AGMO: variants seen among roughly 807,000 people sequenced by gnomAD.
The protein encoded by AGMO is glyceryl-ether monooxygenase.
In AGMO, 75 loss-of-function variants were observed where a neutral mutation model predicts 60.2. The ratio of observed to expected loss-of-function variants is 1.25; its 90% CI spans 1.03 to 1.51. AGMO has a LOEUF of 1.51. AGMO is among the 40% of genes most tolerant of loss of function. The pLI, the probability that AGMO is intolerant of heterozygous loss-of-function variation, is 0.00. For missense variants in AGMO, 763 were observed against 525.5 expected (o/e 1.45, Z -4.42); for synonymous variants, 261 against 177.1 (o/e 1.47, Z -3.76).
chr7:15,286,644 C>T (rs1217131412), intron 12 of AGMO, among the ~76,000 whole-genome samples: 1 of 152,046 alleles, frequency 6.6e-6, no homozygotes, highest in Non-Finnish European at 1.5e-5. Context: ...ATTAGTAAAA[C>T]ATCTAAGGAA....
rs151269477 is a variant in AGMO, at chr7:15,237,736, C to T, written c.1264-36377G>A. Among the ~76,000 whole-genome samples, 575 of 152,126 alleles carry T rather than the reference C, an allele frequency of 3.8e-3. 7 individuals carry two copies. Among genetic ancestry groups the T allele is most frequent in the African/African-American group, 0.013 (560 of 41,540 alleles). On this transcript the variant is annotated intron_variant, in intron 12 of 12. Transcript: ENST00000342526. Reference sequence around the variant, plus strand: ...CAAATACTGACCAACACAGTCTTAACGTTCACCTCAGCTTGACCAAAGTGT... The same window carrying T: ...CAAATACTGACCAACACAGTCTTAATGTTCACCTCAGCTTGACCAAAGTGT...
chr7:15,331,604 T>TA (rs1781499984), intron 12 of AGMO, among the ~76,000 whole-genome samples: 1 of 152,096 alleles, frequency 6.6e-6, no homozygotes, highest in Non-Finnish European at 1.5e-5. Context: ...TTGGCTGAGA[T>TA]AGATTATATT....
chr7:15,296,772 G>A (rs1784419119), intron 12 of AGMO, among the ~76,000 whole-genome samples: 1 of 152,040 alleles, frequency 6.6e-6, no homozygotes, highest in Admixed American at 6.6e-5. Flanking sequence ...TCCAAATTAG[G>A]AAACTGGTGT....
At chr7:15,525,425 T>G (rs1180407567) in intron 3 of AGMO, among the ~76,000 whole-genome samples, 2 of 152,216 alleles carry the variant, frequency 1.3e-5, no homozygotes, top group Middle Eastern at 6.8e-3. Context: ...TTTTTTACAC[T>G]GCCATGCTCA....
At chr7:15,185,035 G>T in the AGMO span, among the ~76,000 whole-genome samples, 1 of 152,026 alleles carries the variant, frequency 6.6e-6, no homozygotes, top group Admixed American at 6.6e-5. Flanking sequence ...ATATAATGGT[G>T]GCACCGATAA....
intron 12 of AGMO, among the ~76,000 whole-genome samples, chr7:15,359,304 A>AAAAAG (rs1461460380): frequency 6.6e-6 from 1 of 151,532 alleles, no homozygotes; most frequent in African/African-American, 2.4e-5. Flanking sequence ...AAAAAAAAAA[A>AAAAAG]AAAGAAATTA....
At chr7:15,349,970 A>T (rs1479045824) in intron 12 of AGMO, among the ~76,000 whole-genome samples, 2 of 152,150 alleles carry the variant, frequency 1.3e-5, no homozygotes, top group Non-Finnish European at 2.9e-5. Context: ...CAGCCAAATC[A>T]TATCAAATGT....
At chr7:15,217,189 C>A (rs980506992) in intron 12 of AGMO, among the ~76,000 whole-genome samples, 3 of 151,964 alleles carry the variant, frequency 2.0e-5, no homozygotes, top group African/African-American at 7.3e-5. Context: ...TTTCTTTCTA[C>A]AATTTGTCAT....
intron 3 of AGMO, among the ~76,000 whole-genome samples, chr7:15,472,305 A>G (rs1782469888): frequency 6.6e-6 from 1 of 151,972 alleles, no homozygotes; most frequent in African/African-American, 2.4e-5. Flanking sequence ...AGAATAATTG[A>G]CAAAAATATG....
rs1218643773 is a variant in AGMO, at chr7:15,384,849, AT to A, written c.1074+596del. Among the ~76,000 whole-genome samples the A allele has an allele frequency of 6.6e-5, 8 of 120,562 alleles. No homozygotes were observed. In the East Asian group the frequency reaches 1.8e-3, roughly 27 times the overall value. 79.1% of individuals were successfully genotyped at this position (120,562 alleles called of 152,430 possible). A position where few individuals can be genotyped will look rare whatever the true frequency, so the allele number is the denominator to read the frequency against. On this transcript the variant is annotated intron_variant, in intron 10 of 12. Coordinates refer to ENST00000342526, the MANE Select transcript of AGMO (RefSeq NM_001004320.2). Reference sequence around the variant, plus strand: ...TTTTTTTTTTTGCAATTTACAACATATTTTTATATACGTTATTTTTGCTCTT... The same window carrying A: ...TTTTTTTTTTTGCAATTTACAACATATTTTATATACGTTATTTTTGCTCTT...
intron 3 of AGMO, among the ~76,000 whole-genome samples, chr7:15,463,642 A>AT (rs987080851): frequency 2.9e-4 from 44 of 152,128 alleles, no homozygotes; most frequent in African/African-American, 9.6e-4. Context: ...ACATCCAGGT[A>AT]TTTTTTTTCA....
At chr7:15,518,217 G>T (rs932974220) in intron 3 of AGMO, among the ~76,000 whole-genome samples, 1 of 152,116 alleles carries the variant, frequency 6.6e-6, no homozygotes, top group Admixed American at 6.5e-5. Flanking sequence ...CAGAGCACCT[G>T]GGGGAAGGGG....
chr7:15,411,815 G>C (rs1481861308), intron 5 of AGMO, among the ~76,000 whole-genome samples: 1 of 151,396 alleles, frequency 6.6e-6, no homozygotes, highest in Non-Finnish European at 1.5e-5. Flanking sequence ...TTTCTTTCTT[G>C]ATGTGTTATT....
chr7:15,236,292 T>C (rs1782416976), intron 12 of AGMO, among the ~76,000 whole-genome samples: 1 of 152,152 alleles, frequency 6.6e-6, no homozygotes, highest in Non-Finnish European at 1.5e-5. Context: ...TACCATTTTA[T>C]AGATCTTGTA....
At chr7:15,391,535 C>T (rs950134042) in intron 6 of AGMO, among the ~76,000 whole-genome samples, 2 of 152,126 alleles carry the variant, frequency 1.3e-5, no homozygotes, top group Non-Finnish European at 2.9e-5. Context: ...ATGATATCCA[C>T]ATGACTGTAA....
chr7:15,395,575 A>G (rs935166145), intron 5 of AGMO, among the ~76,000 whole-genome samples: 1 of 152,222 alleles, frequency 6.6e-6, no homozygotes, highest in Non-Finnish European at 1.5e-5. Flanking sequence ...CAGCTGATCC[A>G]GATTATGCTA....
chr7:15,212,999 C>G (rs1478257281), intron 12 of AGMO, among the ~76,000 whole-genome samples: 1 of 151,970 alleles, frequency 6.6e-6, no homozygotes, highest in Admixed American at 6.6e-5. Flanking sequence ...TCAGCATTTA[C>G]AGCAATGTTT....
the AGMO span, among the ~76,000 whole-genome samples, chr7:15,175,260 A>G: frequency 6.6e-6 from 1 of 151,978 alleles, no homozygotes; most frequent in Non-Finnish European, 1.5e-5. Context: ...AGATGTCAGT[A>G]TCAAAAAAGA....
the AGMO span, among the ~76,000 whole-genome samples, chr7:15,180,040 G>C: frequency 6.6e-6 from 1 of 152,164 alleles, no homozygotes; most frequent in African/African-American, 2.4e-5. Flanking sequence ...CTCTGGGTTT[G>C]TGATGGGAGG....
Sources: gnomAD v4.1 joint callset for allele counts (sites outside exome capture counted in the v4.1 genomes callset) on GRCh38, gnomAD v4.1.1 for gene constraint, MANE v1.5 for transcripts, NCBI Gene and HGNC (gene_info 2026-07-23, HGNC 2026-07-21) for gene names.